ACTR3C: variants seen among roughly 807,000 people sequenced by gnomAD.
The protein encoded by ACTR3C is actin related protein 3C, also known as actin-related protein 3C.
In ACTR3C, 18 loss-of-function variants were observed where a neutral mutation model predicts 26.3. The ratio of observed to expected loss-of-function variants is 0.68; its 90% CI spans 0.47 to 1.01. ACTR3C has a LOEUF of 1.01. Ranked by LOEUF, ACTR3C falls within the 50% of genes least tolerant of loss-of-function variation. The pLI is 0.00. For missense variants in ACTR3C, 184 were observed against 250.7 expected, an observed-to-expected ratio of 0.73 and a Z score of 1.80; for synonymous variants, 55 against 94.5, an observed-to-expected ratio of 0.58 and a Z score of 2.42.
At chr7:150,080,361 T>G in the ACTR3C span, among the ~76,000 whole-genome samples, 4 of 151,066 alleles carry the variant, frequency 2.6e-5, no homozygotes, top group East Asian at 7.7e-4. Flanking sequence ...CATCCCACAG[T>G]GGGACTTCTT....
chr7:150,315,042 A>G (rs534532178), intron 1 of ACTR3C, among the ~76,000 whole-genome samples: 1 of 147,338 alleles, frequency 6.8e-6, no homozygotes, highest in East Asian at 1.9e-4. Context: ...TAATATTAAT[A>G]ATTACTTTTA....
At chr7:150,149,452 G>A in the ACTR3C span, among the ~76,000 whole-genome samples, 1 of 150,872 alleles carries the variant, frequency 6.6e-6, no homozygotes, top group Admixed American at 6.6e-5. Context: ...TCATTAACTC[G>A]TCGTTTACAT....
intron 4 of ACTR3C, among the ~76,000 whole-genome samples, chr7:150,287,769 T>C (rs1443429179): frequency 6.8e-6 from 1 of 147,708 alleles, no homozygotes; most frequent in Non-Finnish European, 1.5e-5. Flanking sequence ...CCTGTGTTCT[T>C]TGATGACACA....
chr7:149,998,924 G>A, the ACTR3C span, among the ~76,000 whole-genome samples: 1 of 150,520 alleles, frequency 6.6e-6, no homozygotes, highest in Non-Finnish European at 1.5e-5. Flanking sequence ...CACTTGTTCT[G>A]GGAGAATCCA....
At chr7:150,150,971 T>C in the ACTR3C span, among the ~76,000 whole-genome samples, 3 of 136,952 alleles carry the variant, frequency 2.2e-5, 1 homozygote, top group Admixed American at 2.2e-4. Context: ...ACATAGGAAA[T>C]TTGTTGCAAA....
the ACTR3C span, among the ~76,000 whole-genome samples, chr7:150,118,305 C>A: frequency 3.3e-5 from 5 of 151,916 alleles, no homozygotes; most frequent in Admixed American, 3.3e-4. Flanking sequence ...GTAGTGTGTT[C>A]TAACCCAATG....
chr7:150,159,585 A>G, the ACTR3C span, among the ~76,000 whole-genome samples: 2 of 151,960 alleles, frequency 1.3e-5, no homozygotes, highest in Non-Finnish European at 2.9e-5. Context: ...TCATCACAAC[A>G]TTCCACCCGA....
chr7:150,111,587 C>G, the ACTR3C span, among the ~76,000 whole-genome samples: 1 of 92,342 alleles, frequency 1.1e-5, no homozygotes, highest in African/African-American at 5.0e-5. Context: ...GTGACACGCT[C>G]ACACTTTCTC....
the ACTR3C span, among the ~76,000 whole-genome samples, chr7:150,036,748 C>T: frequency 7.2e-6 from 1 of 138,354 alleles, no homozygotes; most frequent in African/African-American, 2.5e-5. Context: ...ATCGTAAATC[C>T]CATGTAAGGT....
the ACTR3C span, among the ~76,000 whole-genome samples, chr7:150,025,528 A>AAG: frequency 7.2e-5 from 11 of 152,062 alleles, no homozygotes; most frequent in Non-Finnish European, 1.6e-4. Flanking sequence ...CCCCAGCAGT[A>AAG]AGACAACGGT....
chr7:150,094,296 C>T, the ACTR3C span, among the ~76,000 whole-genome samples: 2 of 149,710 alleles, frequency 1.3e-5, no homozygotes, highest in South Asian at 4.2e-4. Flanking sequence ...TGCCTCTGGA[C>T]ACTTAATTTC....
chr7:150,073,087 G>A, the ACTR3C span, among the ~76,000 whole-genome samples: 1 of 152,198 alleles, frequency 6.6e-6, no homozygotes, highest in Non-Finnish European at 1.5e-5. Flanking sequence ...AAGCGATGGT[G>A]TTAGGAGGTG....
chr7:150,275,861 C>G (rs192119644), intron 6 of ACTR3C, among the ~76,000 whole-genome samples: 1 of 152,158 alleles, frequency 6.6e-6, no homozygotes, highest in Admixed American at 6.5e-5. Flanking sequence ...AAGTTCTCTT[C>G]GGTGCACCTC....
At chr7:150,180,809 C>T in the ACTR3C span, among the ~76,000 whole-genome samples, 2 of 149,028 alleles carry the variant, frequency 1.3e-5, no homozygotes, top group African/African-American at 5.1e-5. Flanking sequence ...TGTGCCTGGC[C>T]AGTAGTATAC....
At chr7:150,195,123 GTA>G in the ACTR3C span, among the ~76,000 whole-genome samples, 14 of 133,406 alleles carry the variant, frequency 1.0e-4, no homozygotes, top group Non-Finnish European at 7.7e-5. Context: ...ATATATATAT[GTA>G]TATATATATA....
the ACTR3C span, among the ~76,000 whole-genome samples, chr7:150,105,404 C>T: frequency 2.0e-5 from 3 of 152,080 alleles, no homozygotes; most frequent in East Asian, 5.8e-4. Context: ...CTTAAAGGAA[C>T]TCACGGGATA....
At chr7:150,017,796 T>C in the ACTR3C span, among the ~76,000 whole-genome samples, 1 of 150,144 alleles carries the variant, frequency 6.7e-6, no homozygotes, top group African/African-American at 2.5e-5. Flanking sequence ...CTAGAATCCT[T>C]CCAGTGAAAA....
chr7:150,114,566 T>C, the ACTR3C span, among the ~76,000 whole-genome samples: 1 of 152,136 alleles, frequency 6.6e-6, no homozygotes. Flanking sequence ...TTGCATGAAA[T>C]GTGTTAAAAA....
chr7:150,162,093 A>T, the ACTR3C span, among the ~76,000 whole-genome samples: 3 of 152,210 alleles, frequency 2.0e-5, no homozygotes, highest in Non-Finnish European at 4.4e-5. Flanking sequence ...TCCTTATTTC[A>T]TTAAAATAAC....
Sources: gnomAD v4.1 joint callset for allele counts (sites outside exome capture counted in the v4.1 genomes callset) on GRCh38, gnomAD v4.1.1 for gene constraint, MANE v1.5 for transcripts, NCBI Gene and HGNC (gene_info 2026-07-23, HGNC 2026-07-21) for gene names.